Variants in PRKD3 observed in about 807,000 individuals in gnomAD.
PRKD3 encodes serine/threonine-protein kinase D3.
A neutral mutation model predicts 99.2 loss-of-function variants in PRKD3; 47 were observed. The observed-to-expected ratio is 0.47, with a 90% CI of 0.38 to 0.60. The LOEUF is 0.60. Among genes scored for constraint, PRKD3 ranks in the 20% least tolerant of loss-of-function variants. PRKD3 has a pLI of 0.00. For missense variants in PRKD3, 1,019 were observed against 1,088.4 expected (o/e 0.94, Z 0.90); for synonymous variants, 392 against 355.4 (o/e 1.10, Z -1.16).
At chr2:37,290,036 T>C (rs1670324607) in intron 4 of PRKD3, among the ~76,000 whole-genome samples, 1 of 152,208 alleles carries the variant, frequency 6.6e-6, no homozygotes, top group South Asian at 2.1e-4. Context: ...TTTCATACTG[T>C]AATAGCAGAG....
intron 7 of PRKD3, among the ~76,000 whole-genome samples, chr2:37,280,499 C>T (rs1275139852): frequency 6.6e-6 from 1 of 152,058 alleles, no homozygotes; most frequent in African/African-American, 2.4e-5. Context: ...TGATTTTTGA[C>T]AAGAGTGTCA....
rs1166196338 is a variant in PRKD3, at chr2:37,252,718, A to T, written c.*459T>A. ...ATCACATAATGGTAACCTCACAGTTACCTCTTAAATACAAGCCTGTCGAGT... is the reference window on the plus strand; with the variant it reads ...ATCACATAATGGTAACCTCACAGTTTCCTCTTAAATACAAGCCTGTCGAGT... On this transcript the variant is annotated 3_prime_UTR_variant, in exon 19 of 19. Coordinates refer to ENST00000234179, the MANE Select transcript of PRKD3 (RefSeq NM_005813.6). The T allele has an allele frequency of 6.6e-6, 1 of 152,006 alleles. No individual in the cohort carries two copies. Among genetic ancestry groups the T allele is most frequent in the Admixed American group, 6.6e-5 (1 of 15,226 alleles). The allele number at this position is 152,006 out of a possible 1,614,324, so 9.4% of individuals were successfully genotyped here. A position where few individuals can be genotyped will look rare whatever the true frequency, so the allele number is the denominator to read the frequency against.
Position 37,279,870 on chromosome 2 carries a change from T to G in PRKD3, c.1048A>C (p.Asn350His). 2 of 1,613,386 alleles carry G rather than the reference T, an allele frequency of 1.2e-6. 1 individual carries two copies. Among genetic ancestry groups the G allele is most frequent in the South Asian group, 2.2e-5 (2 of 91,060 alleles). Residue 350 changes from asparagine to histidine, a missense_variant, in exon 8 of 19, where the codon AAT (asparagine) becomes CAT (histidine). By Grantham distance (68) the Asn-to-His change is moderately conservative (BLOSUM62 1). Coordinates refer to ENST00000234179, the MANE Select transcript of PRKD3 (RefSeq NM_005813.6). ...TCCAAACCCCGACTACTATCACTAT[T>G]TATGTCATTATTGTCAATATCCATT... ...IPMDIDNNDI[N>H]SDSSRGLDDT...
chr2:37,296,590 G>T (rs1247571030), intron 2 of PRKD3, among the ~76,000 whole-genome samples: 1 of 151,890 alleles, frequency 6.6e-6, no homozygotes, highest in Non-Finnish European at 1.5e-5. Flanking sequence ...TGTTTGGTAG[G>T]GTATTTAGAA....
At chr2:37,299,037 T>G (rs1670796725) in intron 2 of PRKD3, among the ~76,000 whole-genome samples, 1 of 152,228 alleles carries the variant, frequency 6.6e-6, no homozygotes, top group Non-Finnish European at 1.5e-5. Flanking sequence ...TTTTTTCCCA[T>G]TCAGTATACC....
At chr2:37,321,141 T>C (rs915229632) in intron 1 of PRKD3, among the ~76,000 whole-genome samples, 1 of 152,244 alleles carries the variant, frequency 6.6e-6, no homozygotes, top group Non-Finnish European at 1.5e-5. Context: ...ATCTTATTAA[T>C]TTACAAACTA....
intron 6 of PRKD3, among the ~76,000 whole-genome samples, chr2:37,285,625 C>A (rs1670052660): frequency 6.6e-6 from 1 of 152,120 alleles, no homozygotes; most frequent in Admixed American, 6.6e-5. Context: ...TGTTTAGTGT[C>A]TGGCTCTGGA....
chr2:37,253,165 T>A lies in PRKD3; in HGVS notation c.*12A>T, dbSNP rs1217747422. On this transcript the variant is annotated 3_prime_UTR_variant, in exon 19 of 19. Transcript: ENST00000234179. ...AAAATGAAATCCTTCCTTATTTAGG[T>A]TAGCTCAGTGATTAAGGATCTTCTT... 4 of 1,587,502 alleles carry A rather than the reference T, an allele frequency of 2.5e-6. No homozygotes were observed. Among genetic ancestry groups the A allele is most frequent in the Non-Finnish European group, 3.4e-6 (4 of 1,163,562 alleles).
chr2:37,293,085 G>A, intron 3 of PRKD3, 48 bp downstream of exon 3: 3 of 1,487,362 alleles, frequency 2.0e-6, no homozygotes, highest in Non-Finnish European at 2.7e-6. Flanking sequence ...CAGAAAATTA[G>A]GCTCTTTGAG....
In PRKD3 at chr2:37,272,428, ATCT is replaced by A; in HGVS notation, c.1653_1655del (p.Lys551_Asp552delinsAsn). On this transcript the variant is annotated inframe_deletion and splice_region_variant, in exon 12 of 19. Transcript: ENST00000234179. ...TAGATACAGAGATACTTGTAGACAA[ATCT>A]TCTGTAAAATATAAAAAAGACAAAA... The A allele has an allele frequency of 6.2e-7, 1 of 1,601,842 alleles. No individual in the cohort carries two copies. The highest frequency in any genetic ancestry group is 8.5e-7 in the Non-Finnish European group (1 of 1,176,574).
chr2:37,254,184 G>C lies in PRKD3; in HGVS notation c.2499+20C>G. On this transcript the variant is annotated intron_variant, in intron 18 of 18. Coordinates refer to ENST00000234179, the MANE Select transcript of PRKD3 (RefSeq NM_005813.6). ...CTACTCAAATGAGGATTGCCAAAGA[G>C]AGATTACATTTTTTTTTACCTGTAG... The C allele has an allele frequency of 6.4e-7, 1 of 1,566,250 alleles. No homozygotes were observed.
At chr2:37,283,433 T>C (rs1042027673) in intron 6 of PRKD3, among the ~76,000 whole-genome samples, 4 of 152,218 alleles carry the variant, frequency 2.6e-5, no homozygotes, top group Admixed American at 6.5e-5. Flanking sequence ...TAGAATGTTT[T>C]TGTAACCCTT....
intron 2 of PRKD3, among the ~76,000 whole-genome samples, chr2:37,302,249 C>T (rs1215623369): frequency 1.3e-5 from 2 of 152,230 alleles, no homozygotes; most frequent in African/African-American, 4.8e-5. Context: ...CCCCATCCCC[C>T]GAGCTTTTCT....
Position 37,259,696 on chromosome 2 carries a change from G to T in PRKD3, c.2047-15C>A. 1.3e-6 allele frequency: 2 copies of T among 1,571,634 alleles called. No homozygotes were observed. The highest frequency in any genetic ancestry group is 1.7e-5 in the Admixed American group (1 of 58,638). ...GCAACAAGTATCTGTTATGAAAAAA[G>T]ATTTTCTTTTCAATGTCTGGAAAAT... On this transcript the variant is annotated splice_polypyrimidine_tract_variant and intron_variant, in intron 15 of 18. Transcript: ENST00000234179.
In PRKD3 at chr2:37,289,458, A is replaced by ATTTGGAAT. The variant is rs1558558890; in HGVS notation, c.614_615insATTCCAAA (p.Ser205ArgfsTer6). The ATTTGGAAT allele has an allele frequency of 6.2e-7, 1 of 1,613,820 alleles. No homozygotes were observed. ...TTGACAGACGTCTCTTTCTTACTCCACTACAGTTATTTGGAATCTTGAAGG... is the reference window on the plus strand; with the variant it reads ...TTGACAGACGTCTCTTTCTTACTCCATTTGGAATCTACAGTTATTTGGAATCTTGAAGG... On this transcript the variant is annotated frameshift_variant, in exon 5 of 19. Transcript: ENST00000234179. LOFTEE classifies it high-confidence loss of function.
At chr2:37,256,227 G>A (rs1273890737) in intron 17 of PRKD3, among the ~76,000 whole-genome samples, 1 of 152,082 alleles carries the variant, frequency 6.6e-6, no homozygotes, top group Non-Finnish European at 1.5e-5. Context: ...GTAGGGAGTA[G>A]TGGGAGATGA....
intron 11 of PRKD3, among the ~76,000 whole-genome samples, chr2:37,272,646 C>T (rs1052624949): frequency 4.6e-5 from 7 of 151,942 alleles, no homozygotes; most frequent in Non-Finnish European, 7.4e-5. Context: ...AACATTTAAT[C>T]GATGATGTAG....
rs1204218487 is a variant in PRKD3, at chr2:37,251,321, G to T, written c.*1856C>A. 3 of 152,528 alleles carry T rather than the reference G, an allele frequency of 2.0e-5. No homozygotes were observed. The highest frequency in any genetic ancestry group is 4.4e-5 in the Non-Finnish European group (3 of 67,998). The allele number at this position is 152,528 out of a possible 1,614,324, so 9.4% of individuals were successfully genotyped here. A position where few individuals can be genotyped will look rare whatever the true frequency, so the allele number is the denominator to read the frequency against. On this transcript the variant is annotated 3_prime_UTR_variant, in exon 19 of 19. Coordinates refer to ENST00000234179, the MANE Select transcript of PRKD3 (RefSeq NM_005813.6). ...GTAGATAGTACAGCATAATGGTTGG[G>T]AGGGCTAAGGGTAAGATTAGAGCCA...
chr2:37,310,278 A>G (rs1671364862), intron 2 of PRKD3, among the ~76,000 whole-genome samples: 2 of 152,254 alleles, frequency 1.3e-5, no homozygotes, highest in Admixed American at 6.5e-5. Flanking sequence ...CACTAAGATC[A>G]GATTAATACA....
Sources: gnomAD v4.1 joint callset for allele counts (sites outside exome capture counted in the v4.1 genomes callset) on GRCh38, gnomAD v4.1.1 for gene constraint, MANE v1.5 for transcripts, NCBI Gene and HGNC (gene_info 2026-07-23, HGNC 2026-07-21) for gene names.